The following CNTNAP2 variants were observed in gnomAD, a reference collection of about 807,000 sequenced individuals.
CNTNAP2 encodes contactin associated protein 2.
In CNTNAP2, 98 loss-of-function variants were observed where a neutral mutation model predicts 155.2. The ratio of observed to expected loss-of-function variants is 0.63; its 90% confidence interval spans 0.54 to 0.75. CNTNAP2 has a LOEUF of 0.75. Among genes scored for constraint, CNTNAP2 ranks in the 30% least tolerant of loss-of-function variants. The pLI is 0.00. For synonymous variants in CNTNAP2, 651 were observed against 631.2 expected, an observed-to-expected ratio of 1.03 and a Z score of -0.47; for missense variants, 1,727 against 1,688.1, an observed-to-expected ratio of 1.02 and a Z score of -0.40.
At chr7:148,224,430 A>C (rs1795808452) in intron 19 of CNTNAP2, among the ~76,000 whole-genome samples, 1 of 152,214 alleles carries the variant, frequency 6.6e-6, no homozygotes, top group Non-Finnish European at 1.5e-5. Context: ...TTTCTAGGGA[A>C]TAAGAGAAGT....
intron 1 of CNTNAP2, among the ~76,000 whole-genome samples, chr7:146,755,212 T>G (rs926841400): frequency 2.0e-5 from 3 of 151,996 alleles, no homozygotes; most frequent in African/African-American, 7.2e-5. Context: ...TATCTAGCAT[T>G]GGTGTTGTCG....
chr7:146,351,182 T>C (rs1188518065), intron 1 of CNTNAP2, among the ~76,000 whole-genome samples: 4 of 151,242 alleles, frequency 2.6e-5, no homozygotes, highest in Non-Finnish European at 5.9e-5. Flanking sequence ...AGTATAATAA[T>C]AATAAAATTA....
At chr7:146,195,394 G>T (rs1486558278) in intron 1 of CNTNAP2, among the ~76,000 whole-genome samples, 1 of 152,146 alleles carries the variant, frequency 6.6e-6, no homozygotes, top group Non-Finnish European at 1.5e-5. Context: ...AACTAACATG[G>T]AGGGCATAAA....
At chr7:147,220,156 T>G (rs1803363068) in intron 8 of CNTNAP2, among the ~76,000 whole-genome samples, 1 of 152,058 alleles carries the variant, frequency 6.6e-6, no homozygotes, top group African/African-American at 2.4e-5. Flanking sequence ...TTTCAACACA[T>G]ACTTTTGGAG....
chr7:146,206,463 C>T (rs915007107), intron 1 of CNTNAP2, among the ~76,000 whole-genome samples: 4 of 151,926 alleles, frequency 2.6e-5, no homozygotes, highest in African/African-American at 9.6e-5. Context: ...TACTATTAAT[C>T]AAACTGAAGA....
intron 11 of CNTNAP2, among the ~76,000 whole-genome samples, chr7:147,532,157 A>G (rs1473318663): frequency 1.3e-5 from 2 of 152,044 alleles, no homozygotes; most frequent in Non-Finnish European, 2.9e-5. Flanking sequence ...CCAAACCTTT[A>G]TACTCTGCTT....
intron 1 of CNTNAP2, among the ~76,000 whole-genome samples, chr7:146,227,147 TG>T (rs1335091636): frequency 6.6e-6 from 1 of 151,966 alleles, no homozygotes; most frequent in African/African-American, 2.4e-5. Context: ...CTTTAGGGGC[TG>T]GGTGTGGTGG....
intron 13 of CNTNAP2, among the ~76,000 whole-genome samples, chr7:147,688,665 G>A (rs756458705): frequency 2.0e-5 from 3 of 152,122 alleles, no homozygotes; most frequent in South Asian, 4.2e-4. Flanking sequence ...CCATACCAGC[G>A]AGCCTGGCAC....
At chr7:146,396,634 ACAC>A (rs1795631239) in intron 1 of CNTNAP2, among the ~76,000 whole-genome samples, 1 of 151,626 alleles carries the variant, frequency 6.6e-6, no homozygotes, top group East Asian at 1.9e-4. Flanking sequence ...CATTATTATT[ACAC>A]AAACATTTTG....
intron 8 of CNTNAP2, among the ~76,000 whole-genome samples, chr7:147,154,178 G>A (rs1341023058): frequency 6.6e-6 from 1 of 151,660 alleles, no homozygotes; most frequent in Non-Finnish European, 1.5e-5. Context: ...AGATAAAACA[G>A]TTTCTATGCA....
At chr7:146,127,102 A>C (rs1198982947) in intron 1 of CNTNAP2, among the ~76,000 whole-genome samples, 1 of 152,118 alleles carries the variant, frequency 6.6e-6, no homozygotes, top group African/African-American at 2.4e-5. Flanking sequence ...GCACCCTATA[A>C]TCTAACCGAC....
chr7:147,719,299 G>A (rs990449483), intron 13 of CNTNAP2, among the ~76,000 whole-genome samples: 3 of 152,084 alleles, frequency 2.0e-5, no homozygotes, highest in Middle Eastern at 3.4e-3. Flanking sequence ...TCTCACATTC[G>A]ATACAACTGC....
At chr7:146,681,790 T>C (rs1263348539) in intron 1 of CNTNAP2, among the ~76,000 whole-genome samples, 2 of 152,156 alleles carry the variant, frequency 1.3e-5, no homozygotes, top group African/African-American at 4.8e-5. Context: ...TTTGAAAGAT[T>C]AAGTGCCTTG....
At chr7:147,871,052 G>T (rs904427154) in intron 13 of CNTNAP2, among the ~76,000 whole-genome samples, 2 of 151,978 alleles carry the variant, frequency 1.3e-5, no homozygotes, top group Non-Finnish European at 2.9e-5. Flanking sequence ...ATGGCCCCTC[G>T]GTCACCCATG....
chr7:148,076,170 G>T (rs1020485067), intron 15 of CNTNAP2, among the ~76,000 whole-genome samples: 1 of 152,100 alleles, frequency 6.6e-6, no homozygotes, highest in Non-Finnish European at 1.5e-5. Context: ...CAGATTCAAG[G>T]GTGGCAAATA....
chr7:148,168,059 A>G (rs1346447787), intron 17 of CNTNAP2, among the ~76,000 whole-genome samples: 1 of 152,138 alleles, frequency 6.6e-6, no homozygotes, highest in Non-Finnish European at 1.5e-5. Context: ...AAGTCAGGAA[A>G]CAACAGGTGC....
chr7:148,016,569 C>T (rs1010056372), intron 15 of CNTNAP2, among the ~76,000 whole-genome samples: 1 of 152,200 alleles, frequency 6.6e-6, no homozygotes, highest in Admixed American at 6.5e-5. Context: ...CACAGAGCTT[C>T]GCAAGAGAAA....
chr7:148,325,469 G>A (rs1458544296), intron 21 of CNTNAP2, among the ~76,000 whole-genome samples: 1 of 152,188 alleles, frequency 6.6e-6, no homozygotes. Flanking sequence ...CCTCCTAGGA[G>A]AATGTCTCCA....
rs183653564 is a variant in CNTNAP2, at chr7:148,385,891, T to C, written c.3715+2003T>C. 5.9e-5 allele frequency among the ~76,000 whole-genome samples: 9 copies of C among 151,972 alleles called. No individual in the cohort carries two copies. In the East Asian group the frequency reaches 1.8e-3, roughly 30 times the overall value. On this transcript the variant is annotated intron_variant, in intron 22 of 23. Transcript: ENST00000361727. Reference sequence around the variant, plus strand: ...TAGCTGGGATTACAGGCACCCGCCATCATGCCCACTTAATTTTTGTAGAGA... The same window carrying C: ...TAGCTGGGATTACAGGCACCCGCCACCATGCCCACTTAATTTTTGTAGAGA...
Sources: allele counts gnomAD v4.1 joint callset (sites outside exome capture counted in the v4.1 genomes callset), GRCh38; gene constraint gnomAD v4.1.1; transcripts MANE v1.5; gene names NCBI Gene and HGNC (gene_info 2026-07-23, HGNC 2026-07-21).